CHRM2: variants seen among roughly 807,000 people sequenced by gnomAD.
CHRM2 encodes muscarinic acetylcholine receptor M2.
CHRM2 carries 8 observed loss-of-function variants against 25.0 expected under a neutral mutation model. The observed-to-expected ratio is 0.32, with a 90% confidence interval of 0.19 to 0.58. The LOEUF is 0.58. Among genes scored for constraint, CHRM2 ranks in the 20% least tolerant of loss-of-function variants. CHRM2 has a pLI of 0.88. For missense variants in CHRM2, 440 were observed against 567.1 expected (o/e 0.78, Z 2.28); for synonymous variants, 202 against 205.7 (o/e 0.98, Z 0.15).
chr7:136,930,282 AC>A, intron 2 of CHRM2, among the ~76,000 whole-genome samples: 1 of 152,096 alleles, frequency 6.6e-6, no homozygotes, highest in Middle Eastern at 3.4e-3. Context: ...AAACTACAAA[AC>A]AAATTAGCCA....
intron 2 of CHRM2, among the ~76,000 whole-genome samples, chr7:136,973,111 A>T (rs1474414744): frequency 4.3e-5 from 2 of 46,924 alleles, no homozygotes; most frequent in Admixed American, 4.1e-4. Flanking sequence ...GATGATGGTG[A>T]CGGTGTTAGG....
At chr7:137,004,880 G>A (rs1284416447) in intron 3 of CHRM2, among the ~76,000 whole-genome samples, 2 of 151,946 alleles carry the variant, frequency 1.3e-5, no homozygotes, top group African/African-American at 2.4e-5. Flanking sequence ...CGGTCATTTG[G>A]CTCAGTTCTA....
chr7:136,902,671 A>C (rs928070262), intron 2 of CHRM2: 2 of 169,484 alleles, frequency 1.2e-5, no homozygotes, highest in African/African-American at 4.8e-5. Context: ...CTAGGCCCTT[A>C]GAATTTGGTT....
intron 3 of CHRM2, among the ~76,000 whole-genome samples, chr7:137,002,809 C>T (rs1804137580): frequency 1.3e-5 from 2 of 151,960 alleles, no homozygotes; most frequent in African/African-American, 4.8e-5. Flanking sequence ...GTTTTTGTCC[C>T]TTTTTAAATG....
intron 2 of CHRM2, among the ~76,000 whole-genome samples, chr7:136,916,114 T>C (rs1775342563): frequency 6.6e-6 from 1 of 151,902 alleles, no homozygotes; most frequent in African/African-American, 2.4e-5. Flanking sequence ...GACTATGCAC[T>C]GTTTGTAGGG....
chr7:137,011,732 C>A (rs1027963469), intron 3 of CHRM2, among the ~76,000 whole-genome samples: 4 of 151,986 alleles, frequency 2.6e-5, no homozygotes, highest in East Asian at 1.9e-4. Flanking sequence ...CACTTGTCAG[C>A]CTAGTGTTCA....
At position 136,868,828 on chromosome 7, in the gene CHRM2, C is replaced by A. The variant is rs1795699252; in HGVS notation, c.-447C>A. 1 of 152,240 alleles carries A rather than the reference C, an allele frequency of 6.6e-6. No homozygotes were observed. Among genetic ancestry groups the A allele is most frequent in the Non-Finnish European group, 1.5e-5 (1 of 68,186 alleles). The allele number at this position is 152,240 out of a possible 1,614,324, so 9.4% of individuals were successfully genotyped here. A position where few individuals can be genotyped will look rare whatever the true frequency, so the allele number is the denominator to read the frequency against. On this transcript the variant is annotated 5_prime_UTR_variant, in exon 1 of 4. Coordinates refer to ENST00000680005, the MANE Select transcript of CHRM2 (RefSeq NM_001006630.2). ...TGCGGGTTGGCCAGAGCCTGGAAAT[C>A]GCAGATTTCACCAGGAAATCGCCGA...
rs187757768 is a variant in CHRM2 at position 136,974,004 on chromosome 7, T to C, written c.-124-18183T>C. On this transcript the variant is annotated intron_variant, in intron 2 of 3. Transcript: ENST00000680005. ...TTGCCTTTCTTGAGAATAGAACATT[T>C]TGTAATATTGTCACTTACACTTTTT... Among the ~76,000 whole-genome samples the C allele has an allele frequency of 4.3e-4, 65 of 152,280 alleles. 1 individual carries two copies. Among genetic ancestry groups the C allele is most frequent in the African/African-American group, 1.5e-3 (63 of 41,532 alleles).
At chr7:137,009,089 G>T (rs1055628859) in intron 3 of CHRM2, among the ~76,000 whole-genome samples, 2 of 152,048 alleles carry the variant, frequency 1.3e-5, no homozygotes, top group Admixed American at 1.3e-4. Flanking sequence ...GATTACTTAT[G>T]TATTGATAAT....
At chr7:136,920,172 G>A (rs1313692495) in intron 2 of CHRM2, among the ~76,000 whole-genome samples, 2 of 152,046 alleles carry the variant, frequency 1.3e-5, no homozygotes, top group Non-Finnish European at 2.9e-5. Flanking sequence ...TGATTTTCAG[G>A]TTTTTTCATC....
chr7:136,937,770 G>A (rs1799503368), intron 2 of CHRM2, among the ~76,000 whole-genome samples: 2 of 152,170 alleles, frequency 1.3e-5, no homozygotes, highest in Admixed American at 1.3e-4. Context: ...AAAAAATAGA[G>A]AATCACATCT....
intron 2 of CHRM2, among the ~76,000 whole-genome samples, chr7:136,908,307 T>C (rs995635373): frequency 6.6e-6 from 1 of 151,896 alleles, no homozygotes; most frequent in African/African-American, 2.4e-5. Context: ...AAGAAATGAA[T>C]AGTTACGAGG....
rs1272765060 is a variant in CHRM2, at chr7:137,015,970, A to C, written c.1105A>C (p.Thr369Pro). The change falls in exon 4 of 4, where the codon ACT (threonine) becomes CCT (proline). Residue 369 changes from threonine to proline, a missense_variant. By Grantham distance (38) the Thr-to-Pro change is conservative. Coordinates refer to ENST00000680005, the MANE Select transcript of CHRM2 (RefSeq NM_001006630.2). This position sits in a 1 kb window ranked among gnomAD's most constrained non-coding sequence, Gnocchi z 5.1. ...TGTAGCCCGCAAGATTGTGAAGATG[A>C]CTAAGCAGCCTGCAAAAAAGAAGCC... Reference protein sequence around the residue: ...NIVARKIVKMTKQPAKKKPPP... With the variant: ...NIVARKIVKMPKQPAKKKPPP... The C allele has an allele frequency of 1.2e-6, 2 of 1,613,214 alleles. No homozygotes were observed. Among genetic ancestry groups the C allele is most frequent in the Non-Finnish European group, 1.7e-6 (2 of 1,179,458 alleles).
chr7:136,880,469 A>C (rs1255147310), intron 2 of CHRM2, among the ~76,000 whole-genome samples: 2 of 151,968 alleles, frequency 1.3e-5, no homozygotes, highest in Non-Finnish European at 2.9e-5. Context: ...ACATTTTAAA[A>C]TTATTATTTC....
intron 3 of CHRM2, among the ~76,000 whole-genome samples, chr7:137,003,785 C>T (rs766440145): frequency 1.3e-5 from 2 of 152,092 alleles, no homozygotes; most frequent in Non-Finnish European, 2.9e-5. Context: ...TTGTAGTTCC[C>T]ATAATCCCCA....
At chr7:136,899,134 C>T (rs994596597) in intron 2 of CHRM2, 1 of 151,998 alleles carries the variant, frequency 6.6e-6, no homozygotes, top group Non-Finnish European at 1.5e-5. Context: ...CCATACATTA[C>T]AATCATGTAA....
intron 2 of CHRM2, among the ~76,000 whole-genome samples, chr7:136,959,544 A>G (rs903728641): frequency 2.0e-5 from 3 of 152,258 alleles, no homozygotes; most frequent in African/African-American, 7.2e-5. Flanking sequence ...ATGTGAAGAC[A>G]GAAACCAAAC....
chr7:136,983,658 C>A, intron 2 of CHRM2, among the ~76,000 whole-genome samples: 1 of 152,306 alleles, frequency 6.6e-6, no homozygotes, highest in Non-Finnish European at 1.5e-5. Context: ...CTACTGCTTT[C>A]TCTTCGTGAG....
At chr7:136,927,989 G>C (rs1798844278) in intron 2 of CHRM2, among the ~76,000 whole-genome samples, 2 of 152,122 alleles carry the variant, frequency 1.3e-5, no homozygotes, top group Non-Finnish European at 1.5e-5. Context: ...ATCAAGATTT[G>C]TCTTTACTTT....
Sources: gnomAD v4.1 joint callset for allele counts (sites outside exome capture counted in the v4.1 genomes callset) on GRCh38, gnomAD v4.1.1 for gene constraint, Gnocchi (gnomAD v3.1) non-coding constraint, MANE v1.5 for transcripts, NCBI Gene and HGNC (gene_info 2026-07-23, HGNC 2026-07-21) for gene names.